Variants in FAM13B observed in about 807,000 individuals in gnomAD.
FAM13B encodes the protein protein FAM13B.
Under a neutral mutation model 117.3 loss-of-function variants are expected in FAM13B, and 60 were observed. The ratio of observed to expected loss-of-function variants is 0.51; its 90% CI spans 0.42 to 0.63. The LOEUF is 0.63. Among genes scored for constraint, FAM13B ranks in the 30% least tolerant of loss-of-function variants. FAM13B has a pLI of 0.00. For missense variants in FAM13B, 972 were observed against 1,091.9 expected (o/e 0.89, Z 1.55); for synonymous variants, 332 against 356.1 (o/e 0.93, Z 0.76).
chr5:137,962,231 A>G (rs970426102), intron 11 of FAM13B, among the ~76,000 whole-genome samples, 174 bp downstream of exon 11: 1 of 152,220 alleles, frequency 6.6e-6, no homozygotes, highest in African/African-American at 2.4e-5. Context: ...GTACAAATCC[A>G]AACATTTATG....
At chr5:137,952,478 G>A (rs1170776051) in intron 17 of FAM13B, 150 bp downstream of exon 17, 3 of 550,280 alleles carry the variant, frequency 5.5e-6, no homozygotes, top group Non-Finnish European at 9.6e-6. Context: ...ATGCAATTTT[G>A]ACCCTAATAA....
At chr5:137,997,493 T>C (rs1581207970) in intron 7 of FAM13B, among the ~76,000 whole-genome samples, 1 of 150,588 alleles carries the variant, frequency 6.6e-6, no homozygotes, top group African/African-American at 2.4e-5. Flanking sequence ...ATATATAATA[T>C]ATATAAAGCT....
intron 10 of FAM13B, among the ~76,000 whole-genome samples, chr5:137,967,577 T>C (rs1195789245): frequency 6.7e-6 from 1 of 149,454 alleles, no homozygotes; most frequent in African/African-American, 2.5e-5. Flanking sequence ...AACAGAAAAA[T>C]GTGGATGTGG....
intron 11 of FAM13B, among the ~76,000 whole-genome samples, chr5:137,961,544 T>C (rs912078637): frequency 6.6e-6 from 1 of 152,042 alleles, no homozygotes; most frequent in Non-Finnish European, 1.5e-5. Context: ...ACCTTCAGAG[T>C]ATGGGGAGGC....
intron 21 of FAM13B, 41 bp from the exon 22 acceptor site, chr5:137,943,079 T>G (rs1762334118): frequency 6.2e-7 from 1 of 1,612,970 alleles, no homozygotes; most frequent in Non-Finnish European, 8.5e-7. Flanking sequence ...ATGCCTTGTC[T>G]TTGAACTCTT....
chr5:137,950,368 A>G (rs1764615161), intron 17 of FAM13B, among the ~76,000 whole-genome samples: 2 of 152,172 alleles, frequency 1.3e-5, no homozygotes, highest in Admixed American at 1.3e-4. Flanking sequence ...GGCAATAGCC[A>G]GTGTGAAGGT....
rs1461425784 is a variant in FAM13B, at chr5:137,966,488, T to TATAGAGAGAG, written c.1180-4020_1180-4019insCTCTCTCTAT. On this transcript the variant is annotated intron_variant, in intron 10 of 23. Coordinates refer to ENST00000689681, the MANE Select transcript of FAM13B (RefSeq NM_001385994.1). Reference sequence around the variant, plus strand: ...ATATATATATATATATATATATATATAGAGAGAGAGAGAGAGAGAGAGAGA... The same window carrying TATAGAGAGAG: ...ATATATATATATATATATATATATATATAGAGAGAGAGAGAGAGAGAGAGAGAGAGAGAGA... Among the ~76,000 whole-genome samples the TATAGAGAGAG allele has an allele frequency of 5.5e-3, 162 of 29,460 alleles. 1 individual carries two copies. Among genetic ancestry groups the TATAGAGAGAG allele is most frequent in the Middle Eastern group, 0.05 (1 of 20 alleles). 19.3% of individuals were successfully genotyped at this position (29,460 alleles called of 152,430 possible).
chr5:138,036,557 C>T, upstream of FAM13B: 1 of 456,724 alleles, frequency 2.2e-6, no homozygotes, highest in Non-Finnish European at 4.4e-6. Context: ...AAGTAAAAGG[C>T]AGGCAGGCAC....
intron 10 of FAM13B, among the ~76,000 whole-genome samples, chr5:137,965,841 A>G (rs758231710): frequency 1.3e-5 from 2 of 152,186 alleles, no homozygotes; most frequent in Non-Finnish European, 2.9e-5. Flanking sequence ...AGGTATGAAT[A>G]ATTCTAAGTT....
intron 10 of FAM13B, among the ~76,000 whole-genome samples, chr5:137,968,756 C>A (rs1770954365): frequency 6.6e-6 from 1 of 152,200 alleles, no homozygotes; most frequent in Non-Finnish European, 1.5e-5. Context: ...GTGCGTGCAT[C>A]GTGCGCGAGC....
At chr5:138,004,627 T>C (rs185173663) in intron 7 of FAM13B, among the ~76,000 whole-genome samples, 5 of 152,288 alleles carry the variant, frequency 3.3e-5, no homozygotes, top group African/African-American at 9.6e-5. Flanking sequence ...TACATTTAAA[T>C]ACACACAAGT....
intron 1 of FAM13B, among the ~76,000 whole-genome samples, chr5:138,025,321 TTTTTTTTTTTTTGAG>T (rs2151025270): frequency 8.2e-6 from 1 of 121,946 alleles, no homozygotes; most frequent in East Asian, 2.5e-4. Flanking sequence ...GTATTTTTTT[TTTTTTTTTTTTTGAG>T]TTGAGGTCTC....
intron 14 of FAM13B, 91 bp from the exon 15 acceptor site, chr5:137,954,467 C>T: frequency 1.1e-6 from 1 of 908,034 alleles, no homozygotes. Flanking sequence ...TTCCTTAAAT[C>T]ATATCATTAT....
intron 7 of FAM13B, among the ~76,000 whole-genome samples, chr5:138,001,764 T>G (rs1781320816): frequency 6.6e-6 from 1 of 152,132 alleles, no homozygotes; most frequent in South Asian, 2.1e-4. Context: ...CAGTGACATT[T>G]GAGCAAAGAA....
chr5:138,028,038 G>A (rs1430107482), intron 1 of FAM13B, among the ~76,000 whole-genome samples: 1 of 152,168 alleles, frequency 6.6e-6, no homozygotes, highest in East Asian at 1.9e-4. Context: ...TGTGAGAATG[G>A]ACTAACACAA....
intron 6 of FAM13B, among the ~76,000 whole-genome samples, chr5:138,008,640 C>T (rs896867350): frequency 6.6e-6 from 1 of 152,188 alleles, no homozygotes; most frequent in Non-Finnish European, 1.5e-5. Flanking sequence ...ACCTCTTCAG[C>T]AATGTCTATA....
chr5:137,993,610 G>GT (rs1217137696), intron 7 of FAM13B, among the ~76,000 whole-genome samples: 1 of 151,220 alleles, frequency 6.6e-6, no homozygotes, highest in Non-Finnish European at 1.5e-5. Flanking sequence ...ATGAAACCTC[G>GT]TATCTACTAA....
intron 6 of FAM13B, among the ~76,000 whole-genome samples, chr5:138,007,925 A>C (rs1162454496): frequency 1.3e-5 from 2 of 152,254 alleles, no homozygotes; most frequent in Non-Finnish European, 2.9e-5. Flanking sequence ...AAAGACTCTG[A>C]GCAATGCAAG....
intron 7 of FAM13B, among the ~76,000 whole-genome samples, chr5:137,996,427 C>T (rs1779879079): frequency 6.6e-6 from 1 of 152,160 alleles, no homozygotes; most frequent in Admixed American, 6.5e-5. Context: ...GCGTGAGCCA[C>T]GGCGCCTGGC....
Sources: gnomAD v4.1 joint callset for allele counts (sites outside exome capture counted in the v4.1 genomes callset) on GRCh38, gnomAD v4.1.1 for gene constraint, MANE v1.5 for transcripts, NCBI Gene and HGNC (gene_info 2026-07-23, HGNC 2026-07-21) for gene names.